TAF5L: variants seen among roughly 807,000 people sequenced by gnomAD.
TAF5L encodes the protein TATA-box binding protein associated factor 5 like, also known as TAF5-like RNA polymerase II p300/CBP-associated factor-associated factor 65 kDa subunit 5L.
A neutral mutation model predicts 51.3 loss-of-function variants in TAF5L; 7 were observed. That is an observed-to-expected ratio of 0.14 (90% CI 0.08 to 0.26). The LOEUF (loss-of-function observed/expected upper bound fraction) is 0.26, where lower values mean the gene tolerates loss of function less well. TAF5L is among the 10% of genes least tolerant of loss of function. TAF5L has a pLI of 1.00. For missense variants in TAF5L, 575 were observed against 758.9 expected (o/e 0.76, Z 2.85); for synonymous variants, 291 against 308.1 (o/e 0.94, Z 0.58).
intron 4 of TAF5L, among the ~76,000 whole-genome samples, chr1:229,596,463 G>GT (rs1348902757): frequency 6.6e-6 from 1 of 152,126 alleles, no homozygotes; most frequent in Non-Finnish European, 1.5e-5. Context: ...TAAGAATGAA[G>GT]TTTTTAAAGT....
chr1:229,610,051 G>T, intron 3 of TAF5L, 55 bp downstream of exon 3: 2 of 1,487,166 alleles, frequency 1.3e-6, no homozygotes, highest in South Asian at 1.2e-5. Context: ...GCCCAAAGTT[G>T]GTCTGTATTA....
chr1:229,607,355 T>C, intron 3 of TAF5L: 1 of 985,464 alleles, frequency 1.0e-6, no homozygotes, highest in Non-Finnish European at 1.2e-6. Flanking sequence ...GCCATTCCTC[T>C]TACAAATAAT....
Position 229,610,139 on chromosome 1 carries a change from C to T in TAF5L, c.214G>A (p.Val72Ile), listed in dbSNP as rs377358235. The change falls in exon 3 of 5, where the codon GTA becomes ATA. Residue 72 changes from valine (V) to isoleucine (I), a missense_variant. Around this residue, in one of 3 missense-constraint regions of TAF5L, gnomAD observed 380 missense variants for 443.7 expected, o/e 0.86. Coordinates refer to ENST00000258281, the Ensembl canonical transcript of TAF5L. ...AAATTCCGCAGTCGTCCAAACTGTA[C>T]TTCATATTGCTGGGGTTCTGCCTGG... 5.6e-6 allele frequency: 9 copies of T among 1,614,056 alleles called. No homozygotes were observed. In the African/African-American group the frequency reaches 1.1e-4, roughly 19 times the overall value.
chr1:229,600,291 T>A (rs1243401199), intron 4 of TAF5L: 1 of 985,300 alleles, frequency 1.0e-6, no homozygotes, highest in Non-Finnish European at 1.2e-6. Flanking sequence ...AATAGGAGAA[T>A]CTCAGCTTTA....
intron 4 of TAF5L, chr1:229,601,040 G>A (rs1664353433): frequency 9.2e-6 from 9 of 982,852 alleles, no homozygotes; most frequent in African/African-American, 1.7e-5. Context: ...AAATACAAAT[G>A]TAATAAAAAA....
intron 4 of TAF5L, among the ~76,000 whole-genome samples, chr1:229,596,511 G>A (rs1324056043): frequency 6.6e-6 from 1 of 152,112 alleles, no homozygotes; most frequent in Non-Finnish European, 1.5e-5. Context: ...CTCCCCCAAC[G>A]TAACAAAACA....
chr1:229,623,707 A>G (rs1255232109), intron 1 of TAF5L, among the ~76,000 whole-genome samples: 1 of 152,234 alleles, frequency 6.6e-6, no homozygotes, highest in Admixed American at 6.5e-5. Flanking sequence ...AGCATTTAAA[A>G]TTAAGTGCTT....
chr1:229,606,338 T>G (rs1305077323), intron 3 of TAF5L: 3 of 910,926 alleles, frequency 3.3e-6, no homozygotes, highest in Admixed American at 6.2e-5. Context: ...TTTTTCTAAC[T>G]GCAAAAGTAA....
At chr1:229,598,689 T>TC (rs1317018597) in intron 4 of TAF5L, among the ~76,000 whole-genome samples, 1 of 121,700 alleles carries the variant, frequency 8.2e-6, no homozygotes, top group East Asian at 2.3e-4. Flanking sequence ...GTTGGATATC[T>TC]CTTTTTTTTT....
rs1435730559 is a variant in TAF5L at position 229,618,277 on chromosome 1, CTT to C, written c.-3-3794_-3-3793del. Among the ~76,000 whole-genome samples the C allele has an allele frequency of 3.3e-5, 5 of 152,300 alleles. No homozygotes were observed. The East Asian group carries it at 7.7e-4, about 23-fold the overall frequency. ...AATTGGATTTAAATATAATTATACT[CTT>C]TGTTAACATTTCAGAATTTCTCATC... On this transcript the variant is annotated intron_variant, in intron 1 of 4. Coordinates refer to ENST00000258281, the Ensembl canonical transcript of TAF5L.
At chr1:229,605,150 G>A (rs549402001) in intron 3 of TAF5L, among the ~76,000 whole-genome samples, 1 of 150,774 alleles carries the variant, frequency 6.6e-6, no homozygotes, top group East Asian at 1.9e-4. Flanking sequence ...GTAGAGATGA[G>A]GTTTCATCAT....
intron 3 of TAF5L, among the ~76,000 whole-genome samples, chr1:229,603,965 G>A: frequency 6.6e-6 from 1 of 152,246 alleles, no homozygotes; most frequent in Non-Finnish European, 1.5e-5. Flanking sequence ...TAGCAAGGTA[G>A]TTCTGGCAAA....
intron 3 of TAF5L, 40 bp downstream of exon 3, chr1:229,610,066 G>C: frequency 1.3e-6 from 2 of 1,588,268 alleles, no homozygotes; most frequent in Non-Finnish European, 1.7e-6. Flanking sequence ...GTATTACTCT[G>C]TTTTCTTAAA....
intron 1 of TAF5L, among the ~76,000 whole-genome samples, chr1:229,615,889 A>T (rs1381655002): frequency 6.6e-6 from 1 of 152,174 alleles, no homozygotes; most frequent in Non-Finnish European, 1.5e-5. Flanking sequence ...ACATTCTCTA[A>T]ATCAAGGTTT....
intron 2 of TAF5L, among the ~76,000 whole-genome samples, chr1:229,612,349 T>C (rs1664819457): frequency 1.3e-5 from 2 of 152,246 alleles, no homozygotes; most frequent in South Asian, 4.1e-4. Context: ...TCCTACTTTC[T>C]ATCAACAACA....
intron 2 of TAF5L, among the ~76,000 whole-genome samples, chr1:229,612,206 A>G (rs1430473243): frequency 6.6e-6 from 1 of 152,232 alleles, no homozygotes; most frequent in Non-Finnish European, 1.5e-5. Flanking sequence ...AAATCTTCTG[A>G]TAATCATATT....
intron 3 of TAF5L, chr1:229,607,182 CTCT>C: frequency 1.0e-6 from 1 of 982,556 alleles, no homozygotes. Context: ...CCATCGTCAC[CTCT>C]TCTTCCTCCT....
chr1:229,604,834 T>C (rs1188233724), intron 3 of TAF5L, among the ~76,000 whole-genome samples: 9 of 152,224 alleles, frequency 5.9e-5, no homozygotes, highest in African/African-American at 2.2e-4. Context: ...GTATTTCTTG[T>C]TTTGTTACGA....
intron 3 of TAF5L, among the ~76,000 whole-genome samples, chr1:229,604,173 A>ATTTT (rs4006085): frequency 4.1e-5 from 6 of 144,936 alleles, no homozygotes; most frequent in East Asian, 2.0e-4. Flanking sequence ...TTCTGGTAGC[A>ATTTT]TTTTTTTTTT....
Sources: gnomAD v4.1 joint callset for allele counts (sites outside exome capture counted in the v4.1 genomes callset) on GRCh38, gnomAD v4.1.1 for gene constraint, gnomAD v4.1.1 regional missense constraint, MANE v1.5 for transcripts, NCBI Gene and HGNC (gene_info 2026-07-23, HGNC 2026-07-21) for gene names.